RNF214: variants seen among roughly 807,000 people sequenced by gnomAD.
RNF214 encodes ring finger protein 214.
RNF214 carries 25 observed loss-of-function variants against 75.9 expected under a neutral mutation model. That is an observed-to-expected ratio of 0.33 (90% CI 0.24 to 0.46). The LOEUF (loss-of-function observed/expected upper bound fraction) is 0.46, where lower values mean the gene tolerates loss of function less well. Ranked by LOEUF, RNF214 falls within the 20% of genes least tolerant of loss-of-function variation. RNF214 has a pLI of 1.00. For missense variants in RNF214, 725 were observed against 857.5 expected, an observed-to-expected ratio of 0.85 and a Z score of 1.93; for synonymous variants, 314 against 308.8, an observed-to-expected ratio of 1.02 and a Z score of -0.18.
rs1283507579 is a variant in RNF214, at chr11:117,232,690, G to A, written c.-43G>A. On this transcript the variant is annotated 5_prime_UTR_variant, in exon 1 of 15. Coordinates refer to ENST00000300650, the MANE Select transcript of RNF214 (RefSeq NM_207343.4). ...GCCGGCGCTCGACCCCTCCCCCCGT[G>A]GCTCGGCCGCCCCCTCCCCCCGCTC... The A allele has an allele frequency of 6.6e-6, 1 of 150,710 alleles. No homozygotes were observed. Among genetic ancestry groups the A allele is most frequent in the African/African-American group, 2.4e-5 (1 of 41,120 alleles). 9.3% of individuals were successfully genotyped at this position (150,710 alleles called of 1,614,324 possible). A position where few individuals can be genotyped will look rare whatever the true frequency, so the allele number is the denominator to read the frequency against.
At chr11:117,245,210 A>G (rs551442433) in intron 5 of RNF214, among the ~76,000 whole-genome samples, 1 of 150,546 alleles carries the variant, frequency 6.6e-6, no homozygotes, top group South Asian at 2.1e-4. Context: ...TCCCAGCTAC[A>G]TGGGAGGCTG....
chr11:117,240,048 TAAA>T (rs139284124), intron 4 of RNF214, among the ~76,000 whole-genome samples, 188 bp downstream of exon 4: 1 of 148,366 alleles, frequency 6.7e-6, no homozygotes, highest in African/African-American at 2.5e-5. Flanking sequence ...CAGTTACGTT[TAAA>T]AAAAAAAATA....
intron 2 of RNF214, among the ~76,000 whole-genome samples, chr11:117,237,515 G>A (rs2032943036): frequency 6.6e-6 from 1 of 152,064 alleles, no homozygotes; most frequent in Non-Finnish European, 1.5e-5. Context: ...AAGAGGGTGG[G>A]GTCAAAGAAA....
At chr11:117,246,740 C>A in intron 5 of RNF214, 69 bp from the exon 6 acceptor site, 2 of 1,397,644 alleles carry the variant, frequency 1.4e-6, no homozygotes, top group South Asian at 1.8e-5. Flanking sequence ...TTGAAAATAA[C>A]CTTTGCATCA....
rs893578278 is a variant in RNF214 at position 117,285,425 on chromosome 11, T to C, written c.*274T>C. 9.9e-6 allele frequency: 3 copies of C among 303,848 alleles called. No individual in the cohort carries two copies. Among genetic ancestry groups the C allele is most frequent in the Non-Finnish European group, 1.8e-5 (3 of 162,700 alleles). The allele number at this position is 303,848 out of a possible 1,614,324, so 18.8% of individuals were successfully genotyped here. On this transcript the variant is annotated 3_prime_UTR_variant, in exon 15 of 15. Transcript: ENST00000300650. ...GATGTTTAGTTTGGCCTTGAAATTATGATATCCCTGCCCAGGGCTGTTTTC... is the reference window on the plus strand; with the variant it reads ...GATGTTTAGTTTGGCCTTGAAATTACGATATCCCTGCCCAGGGCTGTTTTC...
Position 117,238,721 on chromosome 11 carries a change from A to G in RNF214, c.228A>G (p.Ser76=), listed in dbSNP as rs375653799. The G allele has an allele frequency of 1.2e-6, 2 of 1,614,100 alleles. No homozygotes were observed. Among genetic ancestry groups the G allele is most frequent in the African/African-American group, 2.7e-5 (2 of 74,926 alleles). Residue 76 remains serine (S), a synonymous_variant, in exon 3 of 15, where the codon TCA becomes TCG. Coordinates refer to ENST00000300650, the MANE Select transcript of RNF214 (RefSeq NM_207343.4). ...HLEHSEQNPG[S]SAGDTSAAHQ... Reference sequence around the variant, plus strand: ...AGCACTCAGAGCAGAATCCTGGTTCATCAGCAGGTGACACCTCAGCAGCGC... The same window carrying G: ...AGCACTCAGAGCAGAATCCTGGTTCGTCAGCAGGTGACACCTCAGCAGCGC...
chr11:117,244,491 A>G lies in RNF214; in HGVS notation c.725A>G (p.Glu242Gly), dbSNP rs201299767. The G allele has an allele frequency of 3.7e-5, 59 of 1,613,132 alleles. No individual in the cohort carries two copies. Among genetic ancestry groups the G allele is most frequent in the Admixed American group, 3.3e-4 (20 of 59,958 alleles). ...ERTLLKERYQ[E>G]VLDKQRQVEN... ...ACCCTGTTGAAAGAGCGTTACCAGG[A>G]GGTCCTGGACAAACAGAGGCAAGTG... is the stretch of plus-strand genomic sequence containing the variant. The change falls in exon 5 of 15, where the codon GAG (glutamate) becomes GGG (glycine). Residue 242 changes from glutamate to glycine, a missense_variant. By Grantham distance (98) the Glu-to-Gly change is moderately conservative. Transcript: ENST00000300650.
intron 6 of RNF214, among the ~76,000 whole-genome samples, chr11:117,274,091 A>G (rs865975611): frequency 2.0e-5 from 3 of 152,168 alleles, no homozygotes; most frequent in Non-Finnish European, 4.4e-5. Context: ...TAAACACTGC[A>G]TGTGCTGCAA....
chr11:117,244,201 G>A (rs995938503), intron 4 of RNF214, among the ~76,000 whole-genome samples: 3 of 151,866 alleles, frequency 2.0e-5, no homozygotes, highest in Non-Finnish European at 2.9e-5. Flanking sequence ...AGCTGGTCTC[G>A]AATCCCTGAA....
intron 3 of RNF214, chr11:117,239,469 C>A: frequency 2.2e-6 from 1 of 453,430 alleles, no homozygotes; most frequent in South Asian, 2.4e-5. Flanking sequence ...TTAAGAAGTA[C>A]AGTGTATCCT....
chr11:117,251,630 G>A (rs1433950278), intron 6 of RNF214, among the ~76,000 whole-genome samples: 1 of 152,124 alleles, frequency 6.6e-6, no homozygotes, highest in Non-Finnish European at 1.5e-5. Flanking sequence ...AGTAGCAGGG[G>A]TCAGGGTAGG....
At chr11:117,237,477 A>G (rs1240867822) in intron 2 of RNF214, among the ~76,000 whole-genome samples, 1 of 152,226 alleles carries the variant, frequency 6.6e-6, no homozygotes, top group African/African-American at 2.4e-5. Flanking sequence ...TATGGTTAAG[A>G]GTGTCAGTTA....
At chr11:117,276,887 G>A (rs1303106902) in intron 6 of RNF214, among the ~76,000 whole-genome samples, 13 of 152,178 alleles carry the variant, frequency 8.5e-5, no homozygotes, top group East Asian at 3.8e-4. Flanking sequence ...ACAATTATCC[G>A]ATTGTCAGAG....
chr11:117,259,119 G>T (rs1336562480), intron 6 of RNF214, among the ~76,000 whole-genome samples: 1 of 152,108 alleles, frequency 6.6e-6, no homozygotes, highest in Non-Finnish European at 1.5e-5. Flanking sequence ...ATCACGCCCA[G>T]CTAATTTTTG....
chr11:117,281,991 G>C lies in RNF214; in HGVS notation c.1433G>C (p.Ser478Thr), dbSNP rs776400838. Residue 478 changes from serine (S) to threonine (T), a missense_variant, in exon 11 of 15, where the codon AGT becomes ACT. Ser to Thr is a moderately conservative substitution (Grantham distance 58). Around this residue, in one of 2 missense-constraint regions of RNF214, gnomAD observed 363 missense variants for 513.0 expected, o/e 0.71. Transcript: ENST00000300650. Reference sequence around the variant, plus strand: ...GTCACAATGCCCATGGTTATGCCCAGTGCAGATCCCCGCTCCTTGTCTTTC... The same window carrying C: ...GTCACAATGCCCATGGTTATGCCCACTGCAGATCCCCGCTCCTTGTCTTTC... ...GQVTMPMVMP[S>T]ADPRSLSFPI... 9.3e-6 allele frequency: 15 copies of C among 1,613,952 alleles called. No homozygotes were observed. In the African/African-American group the frequency reaches 1.7e-4, roughly 19 times the overall value.
intron 6 of RNF214, among the ~76,000 whole-genome samples, chr11:117,249,106 A>G (rs570881350): frequency 1.4e-4 from 21 of 152,184 alleles, no homozygotes; most frequent in Admixed American, 9.2e-4. Context: ...AAATTTTTTT[A>G]TAGAGATGAG....
At chr11:117,246,681 TTTCAA>T (rs1280691788) in intron 5 of RNF214, 123 bp from the exon 6 acceptor site, 23 of 997,520 alleles carry the variant, frequency 2.3e-5, no homozygotes, top group Non-Finnish European at 3.1e-5. Flanking sequence ...AACCACATTC[TTTCAA>T]TTCAATTTGA....
intron 5 of RNF214, among the ~76,000 whole-genome samples, chr11:117,245,760 C>T (rs1256383695): frequency 6.6e-6 from 1 of 152,036 alleles, no homozygotes; most frequent in Admixed American, 6.6e-5. Flanking sequence ...TAAAAGAAAT[C>T]AGAATGCAAA....
At chr11:117,260,528 C>T (rs181473769) in intron 6 of RNF214, among the ~76,000 whole-genome samples, 94 of 152,170 alleles carry the variant, frequency 6.2e-4, no homozygotes, top group African/African-American at 2.2e-3. Flanking sequence ...ACACTGTCTG[C>T]TGGGCATGGT....
Sources: gnomAD v4.1 joint callset for allele counts (sites outside exome capture counted in the v4.1 genomes callset) on GRCh38, gnomAD v4.1.1 for gene constraint, gnomAD v4.1.1 regional missense constraint, MANE v1.5 for transcripts, NCBI Gene and HGNC (gene_info 2026-07-23, HGNC 2026-07-21) for gene names.